Variants in ITGA4 observed in about 807,000 individuals in gnomAD.
ITGA4 encodes the protein integrin alpha-4.
Under a neutral mutation model 133.6 loss-of-function variants are expected in ITGA4, and 63 were observed. The observed-to-expected ratio is 0.47, with a 90% CI of 0.38 to 0.58. The LOEUF (loss-of-function observed/expected upper bound fraction) is 0.58. Ranked by LOEUF, ITGA4 falls within the 20% of genes least tolerant of loss-of-function variation. The pLI is 0.00. For missense variants in ITGA4, 1,076 were observed against 1,252.7 expected (o/e 0.86, Z 2.13); for synonymous variants, 483 against 438.0 (o/e 1.10, Z -1.28).
rs1686771914 is a variant in ITGA4 at position 181,523,794 on chromosome 2, C to T, written c.2169+262C>T. 6.6e-6 allele frequency among the ~76,000 whole-genome samples: 1 copy of T among 152,098 alleles called. No homozygotes were observed. The highest frequency in any genetic ancestry group is 6.6e-5 in the Admixed American group (1 of 15,250). On this transcript the variant is annotated intron_variant, in intron 19 of 27. Transcript: ENST00000397033. This position sits in a 1 kb window ranked among gnomAD's most constrained non-coding sequence, Gnocchi z 4.2. ...TCAGAATTCTGCTCCCCCTACACAC[C>T]CTTCCCGAAAACCCCCACCCCCACC...
Position 181,537,287 on chromosome 2 carries a change from T to C in ITGA4, c.*1760T>C, listed in dbSNP as rs1426153454. The C allele has an allele frequency of 4.4e-6, 2 of 453,586 alleles. No individual in the cohort carries two copies. Among genetic ancestry groups the C allele is most frequent in the African/African-American group, 2.0e-5 (1 of 49,962 alleles). 28.1% of individuals were successfully genotyped at this position (453,586 alleles called of 1,614,324 possible). ...CTACTCAGAACTACTCAGAAACAAC[T>C]ATATATTTCAGGTTATCTGAGCACA... On this transcript the variant is annotated 3_prime_UTR_variant, in exon 28 of 28. Coordinates refer to ENST00000397033, the MANE Select transcript of ITGA4 (RefSeq NM_000885.6).
At position 181,495,516 on chromosome 2, in the gene ITGA4, C is replaced by A; in HGVS notation, c.1385+100C>A. 1 of 883,790 alleles carries A rather than the reference C, an allele frequency of 1.1e-6. No individual in the cohort carries two copies. Among genetic ancestry groups the A allele is most frequent in the Non-Finnish European group, 1.9e-6 (1 of 530,300 alleles). The allele number at this position is 883,790 out of a possible 1,614,324, so 54.7% of individuals were successfully genotyped here. A position where few individuals can be genotyped will look rare whatever the true frequency, so the allele number is the denominator to read the frequency against. On this transcript the variant is annotated intron_variant, in intron 13 of 27. Coordinates refer to ENST00000397033, the MANE Select transcript of ITGA4 (RefSeq NM_000885.6). The surrounding 1 kb of genome is among the most constrained non-coding windows in gnomAD (Gnocchi z 4.3). Reference sequence around the variant, plus strand: ...CAGCAGTGGTAGTGACCTCATGATGCTCTTTTGGTATTCTGAAGCTTAATT... The same window carrying A: ...CAGCAGTGGTAGTGACCTCATGATGATCTTTTGGTATTCTGAAGCTTAATT...
rs370239305 is a variant in ITGA4 at position 181,527,079 on chromosome 2, G to A, written c.2340-218G>A. 5.3e-5 allele frequency among the ~76,000 whole-genome samples: 8 copies of A among 151,634 alleles called. No individual in the cohort carries two copies. The East Asian group carries it at 1.2e-3, about 22-fold the overall frequency. ...TCAAACTCCTGACCTCAGGTGATGC[G>A]CCCTCCTCGGCCTCCCAAATTGCTG... is the stretch of plus-strand genomic sequence containing the variant. On this transcript the variant is annotated intron_variant, in intron 21 of 27. Coordinates refer to ENST00000397033, the MANE Select transcript of ITGA4 (RefSeq NM_000885.6).
chr2:181,530,089 T>C (rs988521161), intron 23 of ITGA4, among the ~76,000 whole-genome samples: 11 of 152,338 alleles, frequency 7.2e-5, no homozygotes, highest in Middle Eastern at 6.8e-3. Context: ...TCCATCAGAA[T>C]TGTTTTGAGC....
In ITGA4 at chr2:181,537,017, T is replaced by C. The variant is rs1341919627; in HGVS notation, c.*1490T>C. On this transcript the variant is annotated 3_prime_UTR_variant, in exon 28 of 28. Coordinates refer to ENST00000397033, the MANE Select transcript of ITGA4 (RefSeq NM_000885.6). ...ACAGGCCTGCAGTGATGGTGAGGAA[T>C]GTTCTGAGATTTGCGAAGGCATTTG... The C allele has an allele frequency of 2.2e-6, 1 of 446,576 alleles. No homozygotes were observed. Among genetic ancestry groups the C allele is most frequent in the East Asian group, 7.0e-5 (1 of 14,334 alleles). The allele number at this position is 446,576 out of a possible 1,614,324, so 27.7% of individuals were successfully genotyped here.
In ITGA4 at chr2:181,495,255, T is replaced by C. The variant is rs536084648; in HGVS notation, c.1340-116T>C. On this transcript the variant is annotated intron_variant, in intron 12 of 27. Transcript: ENST00000397033. This position sits in a 1 kb window ranked among gnomAD's most constrained non-coding sequence, Gnocchi z 4.3. ...GATGTTAGCATATATTCTCTAATTT[T>C]CTATAAATAGTGTTTTAGGTAGTCA... The C allele has an allele frequency of 2.4e-4, 178 of 738,736 alleles. No individual in the cohort carries two copies. The highest frequency in any genetic ancestry group is 2.7e-4 in the Non-Finnish European group (113 of 417,470). The allele number at this position is 738,736 out of a possible 1,614,324, so 45.8% of individuals were successfully genotyped here.
chr2:181,499,701 T>G (rs1306234521), intron 15 of ITGA4, among the ~76,000 whole-genome samples: 1 of 152,208 alleles, frequency 6.6e-6, no homozygotes, highest in Non-Finnish European at 1.5e-5. Flanking sequence ...ATAAACCTAT[T>G]AGATGGTTCA....
chr2:181,527,732 C>T (rs1371311003), intron 22 of ITGA4, among the ~76,000 whole-genome samples: 1 of 152,158 alleles, frequency 6.6e-6, no homozygotes, highest in Non-Finnish European at 1.5e-5. Flanking sequence ...TCTTTGGGTG[C>T]AAATCAGTGA....
In ITGA4 at chr2:181,530,507, GCTTT is replaced by G. The variant is rs1686922814; in HGVS notation, c.2539-14_2539-11del. On this transcript the variant is annotated splice_polypyrimidine_tract_variant and intron_variant, in intron 23 of 27. Coordinates refer to ENST00000397033, the MANE Select transcript of ITGA4 (RefSeq NM_000885.6). ...AGTGTTGAAAGATAAGATTTCTCTTGCTTTCTGTCTTCATAGACTACTACTGGAG... is the reference window on the plus strand; with the variant it reads ...AGTGTTGAAAGATAAGATTTCTCTTGCTGTCTTCATAGACTACTACTGGAG... 6.3e-7 allele frequency: 1 copy of G among 1,599,338 alleles called. No individual in the cohort carries two copies. Among genetic ancestry groups the G allele is most frequent in the Admixed American group, 1.7e-5 (1 of 59,260 alleles).
In ITGA4 at chr2:181,538,070, T is replaced by C. The variant is rs766876969; in HGVS notation, c.*2543T>C. On this transcript the variant is annotated 3_prime_UTR_variant, in exon 28 of 28. Transcript: ENST00000397033. ...AACCATTCCCCCATCCACGGAAAAATTGTCTTCCATGAAACTGGTCCCAAA... is the reference window on the plus strand; with the variant it reads ...AACCATTCCCCCATCCACGGAAAAACTGTCTTCCATGAAACTGGTCCCAAA... The C allele has an allele frequency of 1.4e-4, 99 of 730,820 alleles. No individual in the cohort carries two copies. The highest frequency in any genetic ancestry group is 3.7e-4 in the East Asian group (14 of 37,410). The allele number at this position is 730,820 out of a possible 1,614,324, so 45.3% of individuals were successfully genotyped here. A position where few individuals can be genotyped will look rare whatever the true frequency, so the allele number is the denominator to read the frequency against.
chr2:181,536,888 G>C lies in ITGA4; in HGVS notation c.*1361G>C, dbSNP rs1458029348. On this transcript the variant is annotated 3_prime_UTR_variant, in exon 28 of 28. Transcript: ENST00000397033. ...ATTTTGAACATCTGTTATAGGGAGT[G>C]ATCAAATTAGAAGGCAATGTGGAAA... 6 of 452,954 alleles carry C rather than the reference G, an allele frequency of 1.3e-5. No individual in the cohort carries two copies. The highest frequency in any genetic ancestry group is 2.2e-5 in the Non-Finnish European group (5 of 226,384). The allele number at this position is 452,954 out of a possible 1,614,324, so 28.1% of individuals were successfully genotyped here.
At position 181,537,147 on chromosome 2, in the gene ITGA4, A is replaced by C; in HGVS notation, c.*1620A>C. On this transcript the variant is annotated 3_prime_UTR_variant, in exon 28 of 28. Coordinates refer to ENST00000397033, the MANE Select transcript of ITGA4 (RefSeq NM_000885.6). ...TTTAAAAAACTTTGTATCGTTATAA[A>C]AAGGCTAGTCATTCTTTCAGGAGAA... 2.2e-6 allele frequency: 1 copy of C among 453,848 alleles called. No individual in the cohort carries two copies. Among genetic ancestry groups the C allele is most frequent in the Non-Finnish European group, 4.4e-6 (1 of 226,686 alleles). The allele number at this position is 453,848 out of a possible 1,614,324, so 28.1% of individuals were successfully genotyped here. A position where few individuals can be genotyped will look rare whatever the true frequency, so the allele number is the denominator to read the frequency against.
intron 2 of ITGA4, 39 bp downstream of exon 2, chr2:181,458,356 A>T (rs1685185136): frequency 6.3e-7 from 1 of 1,595,606 alleles, no homozygotes; most frequent in Non-Finnish European, 8.5e-7. Context: ...TGACCTCCCG[A>T]CCCCCCATGT....
intron 2 of ITGA4, among the ~76,000 whole-genome samples, chr2:181,463,762 G>C (rs1248568535): frequency 1.3e-5 from 2 of 152,108 alleles, no homozygotes; most frequent in Non-Finnish European, 2.9e-5. Context: ...AGACAGTAGA[G>C]AGGTCTGTAC....
Position 181,495,436 on chromosome 2 carries a change from C to T in ITGA4, c.1385+20C>T, listed in dbSNP as rs1417067426. ...GCTAAGGTAAGACTGATATATTTCA[C>T]TGCTTAATTGCAATTTGGTTTAATT... On this transcript the variant is annotated intron_variant, in intron 13 of 27. Transcript: ENST00000397033. This position sits in a 1 kb window ranked among gnomAD's most constrained non-coding sequence, Gnocchi z 4.3. 2 of 1,579,674 alleles carry T rather than the reference C, an allele frequency of 1.3e-6. No individual in the cohort carries two copies. Among genetic ancestry groups the T allele is most frequent in the South Asian group, 2.2e-5 (2 of 90,316 alleles).
intron 17 of ITGA4, among the ~76,000 whole-genome samples, chr2:181,515,370 A>G (rs1170925872): frequency 6.6e-6 from 1 of 152,094 alleles, no homozygotes; most frequent in Non-Finnish European, 1.5e-5. Context: ...CCTGATTTCC[A>G]TGAAGACTCA....
At chr2:181,509,585 A>C in intron 15 of ITGA4, 73 bp from the exon 16 acceptor site, 2 of 1,210,258 alleles carry the variant, frequency 1.7e-6, no homozygotes, top group South Asian at 3.8e-5. Context: ...GGCCCTTTTC[A>C]GGAAAGGAGT....
intron 2 of ITGA4, 192 bp downstream of exon 2, chr2:181,458,509 C>T: frequency 3.1e-6 from 2 of 636,468 alleles, no homozygotes; most frequent in Non-Finnish European, 5.4e-6. Context: ...ATATCGTTCT[C>T]CCTTTTCCTT....
At chr2:181,499,133 G>C (rs1686217452) in intron 15 of ITGA4, among the ~76,000 whole-genome samples, 1 of 152,038 alleles carries the variant, frequency 6.6e-6, no homozygotes, top group Admixed American at 6.6e-5. Context: ...ACGTTTTTTG[G>C]GGTGGGTCAG....
Sources: gnomAD v4.1 joint callset for allele counts (sites outside exome capture counted in the v4.1 genomes callset) on GRCh38, gnomAD v4.1.1 for gene constraint, Gnocchi (gnomAD v3.1) non-coding constraint, MANE v1.5 for transcripts, NCBI Gene and HGNC (gene_info 2026-07-23, HGNC 2026-07-21) for gene names.